Variants in TMEM132D observed in about 807,000 individuals in gnomAD.
The protein encoded by TMEM132D is transmembrane protein 132D, also known as mature OL transmembrane protein.
Under a neutral mutation model 62.3 loss-of-function variants are expected in TMEM132D, and 21 were observed. That is an observed-to-expected ratio of 0.34 (90% confidence interval 0.24 to 0.49). TMEM132D has a LOEUF of 0.49. TMEM132D is among the 20% of genes least tolerant of loss of function. TMEM132D has a pLI of 0.99. For missense variants in TMEM132D, 1,346 were observed against 1,402.8 expected (o/e 0.96, Z 0.65); for synonymous variants, 621 against 575.6 (o/e 1.08, Z -1.13).
At chr12:129,632,755 T>C (rs1879380479) in intron 2 of TMEM132D, among the ~76,000 whole-genome samples, 1 of 152,194 alleles carries the variant, frequency 6.6e-6, no homozygotes, top group African/African-American at 2.4e-5. Context: ...CTCCGCATCA[T>C]CCCTTCCTAC....
chr12:129,123,095 C>G (rs1012130204), intron 5 of TMEM132D, among the ~76,000 whole-genome samples: 12 of 152,038 alleles, frequency 7.9e-5, no homozygotes, highest in African/African-American at 2.9e-4. Flanking sequence ...TCTAAACTAT[C>G]AATAATAAAA....
intron 5 of TMEM132D, among the ~76,000 whole-genome samples, chr12:129,160,254 A>T (rs1252867449): frequency 6.6e-6 from 1 of 152,230 alleles, no homozygotes. Flanking sequence ...TTTTTCTTGT[A>T]GAATCATCTC....
intron 5 of TMEM132D, among the ~76,000 whole-genome samples, chr12:129,156,485 G>C (rs905178726): frequency 2.0e-5 from 3 of 151,816 alleles, no homozygotes; most frequent in African/African-American, 7.3e-5. Flanking sequence ...GAGATAGCTA[G>C]TTCACTCCCA....
chr12:129,699,772 G>A (rs769120390), intron 2 of TMEM132D, 38 bp downstream of exon 2: 10 of 1,598,076 alleles, frequency 6.3e-6, no homozygotes, highest in African/African-American at 1.3e-5. Flanking sequence ...CCACCTGATC[G>A]ACGGGCGGGT....
At chr12:129,711,992 G>A (rs1176241949) in intron 1 of TMEM132D, among the ~76,000 whole-genome samples, 2 of 151,934 alleles carry the variant, frequency 1.3e-5, no homozygotes, top group African/African-American at 4.8e-5. Flanking sequence ...ACCTTGTGGA[G>A]CATCTGGGAA....
At chr12:129,628,325 T>C (rs1014597362) in intron 2 of TMEM132D, among the ~76,000 whole-genome samples, 1 of 152,176 alleles carries the variant, frequency 6.6e-6, no homozygotes, top group African/African-American at 2.4e-5. Flanking sequence ...GCTGAGTTTC[T>C]GAGTGACAGA....
At chr12:129,895,963 C>CTT (rs957389211) in intron 1 of TMEM132D, among the ~76,000 whole-genome samples, 1,698 of 97,818 alleles carry the variant, frequency 0.017, 35 homozygotes, top group Middle Eastern at 0.032. Context: ...CTCTGTCTCT[C>CTT]TTTTTTTTTT....
At position 129,084,556 on chromosome 12, in the gene TMEM132D, G is replaced by T; in HGVS notation, c.1590C>A (p.Val530=). The change falls in exon 6 of 9, where the codon GTC becomes GTA. Residue 530 remains valine, a synonymous_variant. Coordinates refer to ENST00000422113, the MANE Select transcript of TMEM132D (RefSeq NM_133448.3). ...TGATCTGATTGAGCTCGGTGTCGGA[G>T]ACCTCGATCTGCAGCGGAAGCCGGG... ...WVPRLPLQIE[V]SDTELNQIKG... is the part of the protein sequence containing the mutation. The T allele has an allele frequency of 6.2e-7, 1 of 1,613,810 alleles. No homozygotes were observed. The highest frequency in any genetic ancestry group is 8.5e-7 in the Non-Finnish European group (1 of 1,179,854).
In TMEM132D at chr12:129,779,065, T is replaced by C. The variant is rs1397673055; in HGVS notation, c.80-78367A>G. Among the ~76,000 whole-genome samples, 1 of 152,204 alleles carries C rather than the reference T, an allele frequency of 6.6e-6. No homozygotes were observed. The highest frequency in any genetic ancestry group is 2.4e-5 in the African/African-American group (1 of 41,444). ...ATGGCTGAGAGGGAGCCTGACCCCTTGCCTCTTTTTCCGTCAATGTCCTTA... is the reference window on the plus strand; with the variant it reads ...ATGGCTGAGAGGGAGCCTGACCCCTCGCCTCTTTTTCCGTCAATGTCCTTA... On this transcript the variant is annotated intron_variant, in intron 1 of 8. Coordinates refer to ENST00000422113, the MANE Select transcript of TMEM132D (RefSeq NM_133448.3). The surrounding 1 kb of genome is among the most constrained non-coding windows in gnomAD (Gnocchi z 4.1).
intron 5 of TMEM132D, among the ~76,000 whole-genome samples, chr12:129,163,065 A>G (rs112765884): frequency 0.012 from 1,792 of 152,180 alleles, 42 homozygotes; most frequent in African/African-American, 0.041. Flanking sequence ...GATCCCCAAG[A>G]CCTTACTTGC....
chr12:129,706,428 T>C (rs866487074), intron 1 of TMEM132D, among the ~76,000 whole-genome samples: 2 of 151,968 alleles, frequency 1.3e-5, no homozygotes, highest in East Asian at 3.8e-4. Context: ...AAAGACACAA[T>C]TCACAATGCA....
chr12:129,335,266 A>C (rs1408484354), intron 4 of TMEM132D, among the ~76,000 whole-genome samples: 1 of 151,396 alleles, frequency 6.6e-6, no homozygotes, highest in Admixed American at 6.6e-5. Context: ...CAAGTAGCTA[A>C]GATTATCGGC....
chr12:129,355,894 G>A (rs946035282), intron 3 of TMEM132D, among the ~76,000 whole-genome samples: 1 of 152,176 alleles, frequency 6.6e-6, no homozygotes, highest in Non-Finnish European at 1.5e-5. Context: ...TGCTGGAGGT[G>A]ACAGCCCTGC....
At chr12:129,891,507 G>C (rs952597605) in intron 1 of TMEM132D, among the ~76,000 whole-genome samples, 3 of 152,206 alleles carry the variant, frequency 2.0e-5, no homozygotes, top group Admixed American at 2.0e-4. Context: ...AAGAGCATCA[G>C]GTTCAGCGGA....
chr12:129,546,279 G>GT (rs548064316), intron 2 of TMEM132D, among the ~76,000 whole-genome samples: 4 of 152,074 alleles, frequency 2.6e-5, no homozygotes, highest in Non-Finnish European at 5.9e-5. Context: ...ACATCCACTT[G>GT]TTTTTTCTCA....
At chr12:129,627,089 G>A (rs935683747) in intron 2 of TMEM132D, among the ~76,000 whole-genome samples, 5 of 152,086 alleles carry the variant, frequency 3.3e-5, no homozygotes, top group South Asian at 2.1e-4. Flanking sequence ...GAATTGAGAC[G>A]ATGGCATCAC....
chr12:129,133,293 T>A (rs958620211), intron 5 of TMEM132D, among the ~76,000 whole-genome samples: 1 of 152,266 alleles, frequency 6.6e-6, no homozygotes, highest in Non-Finnish European at 1.5e-5. Context: ...TCATGTTGCA[T>A]AACAAGAACT....
intron 5 of TMEM132D, among the ~76,000 whole-genome samples, chr12:129,204,442 T>A (rs541652150): frequency 1.3e-5 from 2 of 152,210 alleles, no homozygotes; most frequent in African/African-American, 4.8e-5. Flanking sequence ...GAGGGCTGGC[T>A]GTCTGAAATA....
In TMEM132D at chr12:129,078,659, T is replaced by C. The variant is rs1007745206; in HGVS notation, c.1990A>G (p.Thr664Ala). The C allele has an allele frequency of 6.2e-7, 1 of 1,614,180 alleles. No homozygotes were observed. Among genetic ancestry groups the C allele is most frequent in the Non-Finnish European group, 8.5e-7 (1 of 1,180,030 alleles). Residue 664 changes from threonine to alanine, a missense_variant, in exon 8 of 9, where the codon ACC becomes GCC. Transcript: ENST00000422113. ...AGCTGCACCCCGAGGTCTGTGATGG[T>C]CACCTTCTCGTCCAGCACAGTGATG... ...KTITVLDEKVTITDLGVQLVT... is the reference protein window; with the variant it reads ...KTITVLDEKVAITDLGVQLVT...
Sources: allele counts gnomAD v4.1 joint callset (sites outside exome capture counted in the v4.1 genomes callset), GRCh38; gene constraint gnomAD v4.1.1; non-coding constraint Gnocchi (gnomAD v3.1); transcripts MANE v1.5; gene names NCBI Gene and HGNC (gene_info 2026-07-23, HGNC 2026-07-21).